The following ARHGAP15 variants were observed in gnomAD, a reference collection of about 807,000 sequenced individuals.
ARHGAP15 encodes Rho GTPase activating protein 15, also known as rho GTPase-activating protein 15.
A neutral mutation model predicts 63.7 loss-of-function variants in ARHGAP15; 51 were observed. That is an observed-to-expected ratio of 0.80 (90% CI 0.64 to 1.01). The LOEUF is 1.01. Ranked by LOEUF, ARHGAP15 falls within the 50% of genes least tolerant of loss-of-function variation. The pLI is 0.00. For missense variants in ARHGAP15, 560 were observed against 564.6 expected, an observed-to-expected ratio of 0.99 and a Z score of 0.08; for synonymous variants, 191 against 193.8, an observed-to-expected ratio of 0.99 and a Z score of 0.12.
intron 11 of ARHGAP15, among the ~76,000 whole-genome samples, chr2:143,578,845 A>T (rs1046220022): frequency 6.6e-6 from 1 of 152,220 alleles, no homozygotes; most frequent in Admixed American, 6.6e-5. Context: ...TTTTGTTAAT[A>T]GATGAGCTAA....
chr2:143,372,704 A>G (rs529642827), intron 6 of ARHGAP15, among the ~76,000 whole-genome samples: 9 of 152,276 alleles, frequency 5.9e-5, no homozygotes, highest in African/African-American at 1.7e-4. Flanking sequence ...CACATAAACA[A>G]TGTCAAATTG....
At chr2:143,760,229 A>AG (rs1198929487) in intron 13 of ARHGAP15, among the ~76,000 whole-genome samples, 4 of 152,206 alleles carry the variant, frequency 2.6e-5, no homozygotes, top group Non-Finnish European at 5.9e-5. Flanking sequence ...TTTCTCTAAT[A>AG]GAATGCGTTT....
chr2:143,292,101 TAGTG>T (rs1243528625), intron 6 of ARHGAP15, among the ~76,000 whole-genome samples: 1 of 51,522 alleles, frequency 1.9e-5, no homozygotes, highest in African/African-American at 8.7e-5. Flanking sequence ...GTATAAATAA[TAGTG>T]GGCTTTTCTG....
At chr2:143,685,960 A>ATGTT (rs1253601079) in intron 12 of ARHGAP15, among the ~76,000 whole-genome samples, 1 of 152,140 alleles carries the variant, frequency 6.6e-6, no homozygotes, top group Admixed American at 6.5e-5. Context: ...AAAAAAAATT[A>ATGTT]TGTTAGCTGG....
chr2:143,730,227 T>C (rs551393198), intron 13 of ARHGAP15, among the ~76,000 whole-genome samples: 38 of 152,182 alleles, frequency 2.5e-4, no homozygotes, highest in Non-Finnish European at 5.0e-4. Flanking sequence ...GAGAAGATAT[T>C]TCTCTGGTCA....
intron 12 of ARHGAP15, among the ~76,000 whole-genome samples, chr2:143,675,861 A>C (rs1294465517): frequency 6.6e-6 from 1 of 152,242 alleles, no homozygotes; most frequent in African/African-American, 2.4e-5. Flanking sequence ...AAAGAGAGCC[A>C]GCCTGTCCTT....
chr2:143,743,574 T>C (rs1019185150), intron 13 of ARHGAP15, among the ~76,000 whole-genome samples: 1 of 152,180 alleles, frequency 6.6e-6, no homozygotes, highest in African/African-American at 2.4e-5. Flanking sequence ...TCCTGTGGCC[T>C]CTCTCTGCCA....
intron 9 of ARHGAP15, among the ~76,000 whole-genome samples, chr2:143,515,398 A>G (rs1033193984): frequency 6.6e-6 from 1 of 152,186 alleles, no homozygotes; most frequent in African/African-American, 2.4e-5. Context: ...TTGGTTTAAA[A>G]GCTCAGAAGT....
intron 6 of ARHGAP15, among the ~76,000 whole-genome samples, chr2:143,324,663 G>A (rs1399334731): frequency 6.6e-6 from 1 of 152,072 alleles, no homozygotes; most frequent in African/African-American, 2.4e-5. Flanking sequence ...TTGTATGCTG[G>A]TCCGTTGTGT....
chr2:143,754,418 A>G (rs1379244463), intron 13 of ARHGAP15, among the ~76,000 whole-genome samples: 1 of 152,074 alleles, frequency 6.6e-6, no homozygotes, highest in Non-Finnish European at 1.5e-5. Context: ...TTTCATTTGC[A>G]GTCATCATCC....
intron 6 of ARHGAP15, among the ~76,000 whole-genome samples, chr2:143,324,380 G>A (rs1163847045): frequency 6.6e-6 from 1 of 152,118 alleles, no homozygotes; most frequent in Non-Finnish European, 1.5e-5. Flanking sequence ...AATTCCTGAG[G>A]TGAATTACAT....
At chr2:143,201,304 G>C (rs980155824) in intron 2 of ARHGAP15, among the ~76,000 whole-genome samples, 37 of 150,700 alleles carry the variant, frequency 2.5e-4, no homozygotes, top group African/African-American at 9.0e-4. Context: ...AATTTTTTTT[G>C]TAGAGTTGGA....
intron 1 of ARHGAP15, among the ~76,000 whole-genome samples, chr2:143,136,573 C>T (rs11902351): frequency 0.017 from 2,520 of 152,060 alleles, 74 homozygotes; most frequent in African/African-American, 0.057. Context: ...TTTTGTTGGG[C>T]CCCCGGCTCC....
At chr2:143,257,182 C>T (rs1394995748) in intron 6 of ARHGAP15, among the ~76,000 whole-genome samples, 1 of 152,062 alleles carries the variant, frequency 6.6e-6, no homozygotes, top group Non-Finnish European at 1.5e-5. Context: ...GATGTATGCT[C>T]ATTTGCACAC....
chr2:143,524,597 T>C (rs1158353444), intron 10 of ARHGAP15, among the ~76,000 whole-genome samples: 1 of 152,186 alleles, frequency 6.6e-6, no homozygotes, highest in Non-Finnish European at 1.5e-5. Context: ...TATTATACCT[T>C]AACTGTTTCT....
At chr2:143,742,983 G>C (rs1686019237) in intron 13 of ARHGAP15, among the ~76,000 whole-genome samples, 1 of 152,202 alleles carries the variant, frequency 6.6e-6, no homozygotes, top group Admixed American at 6.5e-5. Flanking sequence ...AAGTGAGCTG[G>C]GACCAGGGGA....
intron 6 of ARHGAP15, among the ~76,000 whole-genome samples, chr2:143,428,913 G>A (rs1187868325): frequency 6.6e-6 from 1 of 152,094 alleles, no homozygotes; most frequent in Non-Finnish European, 1.5e-5. Context: ...GGTTGGCAGG[G>A]AGTGACTGGT....
chr2:143,247,850 T>A (rs1269189029), intron 5 of ARHGAP15, among the ~76,000 whole-genome samples: 1 of 152,068 alleles, frequency 6.6e-6, no homozygotes, highest in African/African-American at 2.4e-5. Context: ...CTTAACCATT[T>A]AAAAAAAATA....
chr2:143,332,834 T>G (rs1684607024), intron 6 of ARHGAP15, among the ~76,000 whole-genome samples: 1 of 152,152 alleles, frequency 6.6e-6, no homozygotes, highest in South Asian at 2.1e-4. Flanking sequence ...ATGATAAGAA[T>G]AAGTGTCAAA....
Sources: gnomAD v4.1 joint callset for allele counts (sites outside exome capture counted in the v4.1 genomes callset) on GRCh38, gnomAD v4.1.1 for gene constraint, MANE v1.5 for transcripts, NCBI Gene and HGNC (gene_info 2026-07-23, HGNC 2026-07-21) for gene names.